Variants in ENTPD1 observed in about 807,000 individuals in gnomAD.
ENTPD1 encodes the protein ectonucleoside triphosphate diphosphohydrolase 1, also known as ATP diphosphohydrolase.
In ENTPD1, 33 loss-of-function variants were observed where a neutral mutation model predicts 57.0. The observed-to-expected ratio is 0.58, with a 90% CI of 0.44 to 0.77. The LOEUF (loss-of-function observed/expected upper bound fraction) is 0.77, where lower values mean the gene tolerates loss of function less well. Among genes scored for constraint, ENTPD1 ranks in the 30% least tolerant of loss-of-function variants. ENTPD1 has a pLI of 0.00. For missense variants in ENTPD1, 501 were observed against 603.4 expected (o/e 0.83, Z 1.78); for synonymous variants, 202 against 218.8 (o/e 0.92, Z 0.68).
intron 1 of ENTPD1, among the ~76,000 whole-genome samples, chr10:95,785,715 G>C (rs2098176983): frequency 6.6e-6 from 1 of 152,172 alleles, no homozygotes; most frequent in Non-Finnish European, 1.5e-5. Context: ...TAAGAGCTTA[G>C]AATCCCTGGA....
At chr10:95,841,349 T>C (rs1759553469) in intron 3 of ENTPD1, among the ~76,000 whole-genome samples, 1 of 151,782 alleles carries the variant, frequency 6.6e-6, no homozygotes, top group South Asian at 2.1e-4. Context: ...ATCGCGCCAC[T>C]ACACTCCAGC....
At chr10:95,824,457 G>A (rs1324827766) in intron 2 of ENTPD1, among the ~76,000 whole-genome samples, 2 of 152,238 alleles carry the variant, frequency 1.3e-5, no homozygotes, top group Non-Finnish European at 2.9e-5. Flanking sequence ...GTTCAACCCA[G>A]TGGTGCTGTG....
intron 9 of ENTPD1, 116 bp downstream of exon 9, chr10:95,864,977 T>C: frequency 8.1e-7 from 1 of 1,233,648 alleles, no homozygotes; most frequent in South Asian, 1.4e-5. Flanking sequence ...CTTGATGTCC[T>C]GTTCTGCCAT....
rs557571041 is a variant in ENTPD1 at position 95,791,599 on chromosome 10, T to G, written c.17-31638T>G. Among the ~76,000 whole-genome samples the G allele has an allele frequency of 1.3e-5, 2 of 152,358 alleles. No homozygotes were observed. The highest frequency in any genetic ancestry group is 4.8e-5 in the African/African-American group (2 of 41,594). On this transcript the variant is annotated intron_variant, in intron 1 of 9. Coordinates refer to ENST00000371205, the MANE Select transcript of ENTPD1 (RefSeq NM_001776.6). This position sits in a 1 kb window ranked among gnomAD's most constrained non-coding sequence, Gnocchi z 4.1. Reference sequence around the variant, plus strand: ...CTTAGACTACCTGGATATGCACTTCTGTCCCATCAGTGGAGAATTTTACTG... The same window carrying G: ...CTTAGACTACCTGGATATGCACTTCGGTCCCATCAGTGGAGAATTTTACTG...
intron 1 of ENTPD1, among the ~76,000 whole-genome samples, chr10:95,814,980 T>A (rs1271687924): frequency 6.6e-6 from 1 of 152,236 alleles, no homozygotes; most frequent in Non-Finnish European, 1.5e-5. Flanking sequence ...TAACTGGTTA[T>A]CATTGAGATC....
chr10:95,847,770 A>G (rs1050364921), intron 7 of ENTPD1, 64 bp downstream of exon 7: 2 of 1,607,606 alleles, frequency 1.2e-6, no homozygotes, highest in Non-Finnish European at 1.7e-6. Flanking sequence ...ATGTGCCTAC[A>G]AAAGATTTAA....
At chr10:95,814,172 C>T (rs1253979573) in intron 1 of ENTPD1, among the ~76,000 whole-genome samples, 4 of 152,192 alleles carry the variant, frequency 2.6e-5, no homozygotes, top group African/African-American at 9.7e-5. Flanking sequence ...TTGCCGGAAA[C>T]AGCCTTCCTC....
chr10:95,832,753 A>G (rs898302580), intron 2 of ENTPD1, among the ~76,000 whole-genome samples: 2 of 152,200 alleles, frequency 1.3e-5, no homozygotes, highest in African/African-American at 4.8e-5. Context: ...TTGGGCAAGA[A>G]ATTCTCTCTA....
chr10:95,724,258 C>G (rs1007296685), intron 1 of ENTPD1, among the ~76,000 whole-genome samples: 1 of 150,460 alleles, frequency 6.6e-6, no homozygotes, highest in Non-Finnish European at 1.5e-5. Context: ...AACTGGCCAA[C>G]AGGTGCCTGG....
chr10:95,760,391 A>G (rs994514401), intron 1 of ENTPD1, among the ~76,000 whole-genome samples: 7 of 151,542 alleles, frequency 4.6e-5, no homozygotes, highest in Non-Finnish European at 1.0e-4. Flanking sequence ...AAGAGTAAAA[A>G]GCCCCCTTTT....
chr10:95,705,277 ATG>A, the ENTPD1 span, among the ~76,000 whole-genome samples: 6 of 150,160 alleles, frequency 4.0e-5, no homozygotes, highest in Admixed American at 6.7e-5. Context: ...CCAGTAGAAA[ATG>A]TGTGTGTGTG....
intron 1 of ENTPD1, among the ~76,000 whole-genome samples, chr10:95,783,558 A>G (rs1458174461): frequency 1.3e-5 from 2 of 152,110 alleles, no homozygotes; most frequent in Non-Finnish European, 2.9e-5. Flanking sequence ...GCTTGTTCTA[A>G]TTCTCTTTTC....
At chr10:95,762,297 A>G (rs1330030639) in intron 1 of ENTPD1, among the ~76,000 whole-genome samples, 4 of 152,062 alleles carry the variant, frequency 2.6e-5, no homozygotes, top group African/African-American at 7.2e-5. Context: ...TACAAGTAAC[A>G]TAGCACATGC....
intron 7 of ENTPD1, among the ~76,000 whole-genome samples, chr10:95,855,767 C>T (rs191897905): frequency 3.3e-5 from 5 of 152,304 alleles, no homozygotes; most frequent in Non-Finnish European, 5.9e-5. Flanking sequence ...TATTGGCTAC[C>T]ACTCTCTTCT....
In ENTPD1 at chr10:95,731,215, TC is replaced by T. The variant is rs529906725; in HGVS notation, c.37+19223del. Reference sequence around the variant, plus strand: ...TGGATATTCTGTATTCATTCTCCATTCTCCTCCACCCTGCTCTGGGTCCTGA... The same window carrying T: ...TGGATATTCTGTATTCATTCTCCATTTCCTCCACCCTGCTCTGGGTCCTGA... On this transcript the variant is annotated intron_variant, in intron 1 of 9. Transcript: ENST00000453258. Among the ~76,000 whole-genome samples the T allele has an allele frequency of 1.6e-3, 241 of 152,276 alleles. 3 individuals are homozygous for T. The highest frequency in any genetic ancestry group is 4.1e-3 in the Admixed American group (63 of 15,282).
At chr10:95,809,677 GTGGC>G (rs2098292920) in intron 1 of ENTPD1, among the ~76,000 whole-genome samples, 1 of 145,350 alleles carries the variant, frequency 6.9e-6, no homozygotes, top group Non-Finnish European at 1.5e-5. Flanking sequence ...CCCAGACGGG[GTGGC>G]CGCCGGGCAG....
chr10:95,857,016 T>A (rs1269039132), intron 7 of ENTPD1, among the ~76,000 whole-genome samples: 2 of 152,108 alleles, frequency 1.3e-5, no homozygotes, highest in Non-Finnish European at 2.9e-5. Flanking sequence ...TGTTTTTTTT[T>A]AATAAGCCAG....
At position 95,872,581 on chromosome 10, in the gene ENTPD1, G is replaced by A; in HGVS notation, c.*6198G>A. 1.0e-6 allele frequency: 1 copy of A among 985,350 alleles called. No homozygotes were observed. Among genetic ancestry groups the A allele is most frequent in the Non-Finnish European group, 1.2e-6 (1 of 829,910 alleles). 61.0% of individuals were successfully genotyped at this position (985,350 alleles called of 1,614,324 possible). A position where few individuals can be genotyped will look rare whatever the true frequency, so the allele number is the denominator to read the frequency against. ...ACCCTTTAACTGAGCCTCCATTAGT[G>A]CACTGAGACCATTCTGTTCAGTGTC... On this transcript the variant is annotated 3_prime_UTR_variant, in exon 10 of 10. Transcript: ENST00000371205.
chr10:95,865,953 CAGGGTCTCACTATGT>C (rs1414591675), intron 9 of ENTPD1, among the ~76,000 whole-genome samples: 1 of 152,060 alleles, frequency 6.6e-6, no homozygotes, highest in Non-Finnish European at 1.5e-5. Context: ...TTTAGAGAGA[CAGGGTCTCACTATGT>C]TGCCCAGGCT....
Sources: gnomAD v4.1 joint callset for allele counts (sites outside exome capture counted in the v4.1 genomes callset) on GRCh38, gnomAD v4.1.1 for gene constraint, Gnocchi (gnomAD v3.1) non-coding constraint, MANE v1.5 for transcripts, NCBI Gene and HGNC (gene_info 2026-07-23, HGNC 2026-07-21) for gene names.